Variants in CPLANE1 observed in about 807,000 individuals in gnomAD.
The protein encoded by CPLANE1 is ciliogenesis and planar polarity effector 1.
A neutral mutation model predicts 362.5 loss-of-function variants in CPLANE1; 263 were observed. That is an observed-to-expected ratio of 0.73 (90% confidence interval 0.66 to 0.80). The LOEUF (loss-of-function observed/expected upper bound fraction) is 0.80. Ranked by LOEUF, CPLANE1 falls within the 30% of genes least tolerant of loss-of-function variation. The probability of loss-of-function intolerance (pLI) is 0.00; values close to 1 mark genes in which losing one functional copy is unlikely to be tolerated. For missense variants in CPLANE1, 3,461 were observed against 3,793.4 expected (o/e 0.91, Z 2.30); for synonymous variants, 1,212 against 1,302.6 (o/e 0.93, Z 1.50).
Position 37,183,032 on chromosome 5 carries a change from A to G in CPLANE1, c.5149T>C (p.Cys1717Arg). 1 of 1,613,512 alleles carries G rather than the reference A, an allele frequency of 6.2e-7. No homozygotes were observed. The change falls in exon 26 of 53, where the codon TGT becomes CGT. Residue 1717 changes from cysteine to arginine, a missense_variant. Transcript: ENST00000651892. ...TTGCACTGAATAGCTTTGAAAATAC[A>G]TCTTCTAGTTTTAATGGACTTGGGA... is the stretch of plus-strand genomic sequence containing the variant. ...WTPKSIKTRR[C>R]IFKAIQCNDI...
At chr5:37,162,031 A>G (rs962431819) in intron 38 of CPLANE1, among the ~76,000 whole-genome samples, 12 of 152,222 alleles carry the variant, frequency 7.9e-5, no homozygotes, top group Non-Finnish European at 1.8e-4. Context: ...TTGTCAGGAA[A>G]CATTCCAAAT....
In CPLANE1 at chr5:37,204,749, A is replaced by T. The variant is rs567570714; in HGVS notation, c.3289+566T>A. 9.4e-4 allele frequency among the ~76,000 whole-genome samples: 38 copies of T among 40,410 alleles called. No homozygotes were observed. The East Asian group carries it at 0.011, about 12-fold the overall frequency. 26.5% of individuals were successfully genotyped at this position (40,410 alleles called of 152,430 possible). ...CATCAAGAAAGCTACTTTAATATTTAAAAAAAAAAAAAAAGGCATGTATGG... is the reference window on the plus strand; with the variant it reads ...CATCAAGAAAGCTACTTTAATATTTTAAAAAAAAAAAAAAGGCATGTATGG... On this transcript the variant is annotated intron_variant, in intron 18 of 52. Coordinates refer to ENST00000651892, the MANE Select transcript of CPLANE1 (RefSeq NM_001384732.1).
At chr5:37,218,333 T>A (rs750923513) in intron 15 of CPLANE1, among the ~76,000 whole-genome samples, 1 of 152,204 alleles carries the variant, frequency 6.6e-6, no homozygotes, top group Non-Finnish European at 1.5e-5. Flanking sequence ...GCACTGAGGT[T>A]CTAATGAACT....
At position 37,157,659 on chromosome 5, in the gene CPLANE1, G is replaced by GAA; in HGVS notation, c.8011+9_8011+10dup. 2.5e-6 allele frequency: 4 copies of GAA among 1,607,930 alleles called. No homozygotes were observed. The highest frequency in any genetic ancestry group is 3.4e-6 in the Non-Finnish European group (4 of 1,176,194). The stretch of plus-strand genomic sequence containing the variant: ...CAAATTATATTTGTTTTAAAAGTAG[G>GAA]AAAAAATTACCTTGACTCTTAAAAT... On this transcript the variant is annotated intron_variant, in intron 40 of 52. Coordinates refer to ENST00000651892, the MANE Select transcript of CPLANE1 (RefSeq NM_001384732.1).
the CPLANE1 span, among the ~76,000 whole-genome samples, chr5:37,077,208 G>T: frequency 1.3e-5 from 2 of 152,060 alleles, no homozygotes; most frequent in Non-Finnish European, 2.9e-5. Flanking sequence ...AAGAGTTGCA[G>T]CCAGTCTACA....
At chr5:37,177,183 G>T (rs1039505313) in intron 30 of CPLANE1, among the ~76,000 whole-genome samples, 17 of 152,184 alleles carry the variant, frequency 1.1e-4, no homozygotes, top group Admixed American at 1.3e-4. Flanking sequence ...CAATAAGCTA[G>T]CCGGCAGTGT....
At chr5:37,178,461 T>C (rs1174891042) in intron 29 of CPLANE1, among the ~76,000 whole-genome samples, 1 of 150,782 alleles carries the variant, frequency 6.6e-6, no homozygotes, top group Non-Finnish European at 1.5e-5. Flanking sequence ...TTTTTTAAAT[T>C]AGCTGGGCAT....
intron 51 of CPLANE1, among the ~76,000 whole-genome samples, chr5:37,111,625 C>T (rs923161509): frequency 3.9e-5 from 6 of 152,162 alleles, no homozygotes; most frequent in African/African-American, 1.4e-4. Flanking sequence ...TGACTAGCCC[C>T]AAGAGTCTGA....
At position 37,106,503 on chromosome 5, in the gene CPLANE1, AAACT is replaced by A. The variant is rs1486503148; in HGVS notation, c.*1095_*1098del. 7.6e-6 allele frequency: 3 copies of A among 392,314 alleles called. No homozygotes were observed. Among genetic ancestry groups the A allele is most frequent in the East Asian group, 3.2e-4 (2 of 6,274 alleles). 24.3% of individuals were successfully genotyped at this position (392,314 alleles called of 1,614,324 possible). ...AATACCCATAGAATATACAAAAAAG[AAACT>A]AACAGAAAACAATTTAAAATATTTT... On this transcript the variant is annotated 3_prime_UTR_variant, in exon 53 of 53. Transcript: ENST00000651892.
At chr5:37,082,446 G>T in the CPLANE1 span, among the ~76,000 whole-genome samples, 1 of 152,218 alleles carries the variant, frequency 6.6e-6, no homozygotes, top group African/African-American at 2.4e-5. Flanking sequence ...TATAAAGCCA[G>T]AGTAATTCAA....
At chr5:37,139,399 T>A (rs749464494) in intron 44 of CPLANE1, 29 bp from the exon 45 acceptor site, 1 of 1,137,358 alleles carries the variant, frequency 8.8e-7, no homozygotes, top group Admixed American at 3.4e-5. Context: ...TTAATAAAAA[T>A]TTTGGGTTTT....
intron 24 of CPLANE1, among the ~76,000 whole-genome samples, chr5:37,185,931 A>T (rs1246621874): frequency 6.6e-6 from 1 of 152,248 alleles, no homozygotes; most frequent in Non-Finnish European, 1.5e-5. Context: ...ACAAAGTACC[A>T]TATGCTCATT....
chr5:37,099,515 T>C, the CPLANE1 span, among the ~76,000 whole-genome samples: 1 of 152,254 alleles, frequency 6.6e-6, no homozygotes, highest in Admixed American at 6.5e-5. Context: ...GGTGTATATG[T>C]ACTACATTTT....
intron 8 of CPLANE1, among the ~76,000 whole-genome samples, chr5:37,233,056 C>G (rs188322877): frequency 5.6e-4 from 85 of 152,270 alleles, no homozygotes; most frequent in African/African-American, 2.0e-3. Flanking sequence ...TTCATAACCT[C>G]TGAGTGGGAG....
At chr5:37,175,055 G>T (rs1480207348) in intron 31 of CPLANE1, among the ~76,000 whole-genome samples, 1 of 152,176 alleles carries the variant, frequency 6.6e-6, no homozygotes, top group South Asian at 2.1e-4. Context: ...TGGCGACTGG[G>T]TTCCTGAAGT....
intron 8 of CPLANE1, among the ~76,000 whole-genome samples, chr5:37,235,152 G>A (rs551671738): frequency 1.3e-5 from 2 of 152,084 alleles, no homozygotes; most frequent in East Asian, 3.8e-4. Context: ...TTAACAAGAT[G>A]AATATACAGA....
At chr5:37,166,870 C>T (rs745770277) in intron 35 of CPLANE1, among the ~76,000 whole-genome samples, 177 bp downstream of exon 35, 3 of 152,040 alleles carry the variant, frequency 2.0e-5, no homozygotes, top group Non-Finnish European at 4.4e-5. Context: ...GTATTTGTCT[C>T]GCAAAATAGG....
In CPLANE1 at chr5:37,244,602, A is replaced by C. The variant is rs1038642993; in HGVS notation, c.343T>G (p.Ser115Ala). The change falls in exon 5 of 53, where the codon TCT (serine) becomes GCT (alanine). Residue 115 changes from serine (S) to alanine (A), a missense_variant. Coordinates refer to ENST00000651892, the MANE Select transcript of CPLANE1 (RefSeq NM_001384732.1). ...GATACATACAAGTACAGTCTCAAAG[A>C]GCTTGCTAAAAAAGTAACAAAAAAA... ...KEMIKATVAS[S>A]LRLYLYVSGN... is the part of the protein sequence containing the mutation. 2.6e-6 allele frequency: 4 copies of C among 1,525,298 alleles called. No individual in the cohort carries two copies. Among genetic ancestry groups the C allele is most frequent in the Non-Finnish European group, 3.5e-6 (4 of 1,135,722 alleles). The allele number at this position is 1,525,298 out of a possible 1,614,324, so 94.5% of individuals were successfully genotyped here.
the CPLANE1 span, among the ~76,000 whole-genome samples, chr5:37,078,011 C>T: frequency 6.6e-6 from 1 of 152,128 alleles, no homozygotes; most frequent in South Asian, 2.1e-4. Context: ...CGTCAGCCTC[C>T]CAAAGTGAGA....
Sources: gnomAD v4.1 joint callset for allele counts (sites outside exome capture counted in the v4.1 genomes callset) on GRCh38, gnomAD v4.1.1 for gene constraint, MANE v1.5 for transcripts, NCBI Gene and HGNC (gene_info 2026-07-23, HGNC 2026-07-21) for gene names.